The following STK4 variants were observed in gnomAD, a reference collection of about 807,000 sequenced individuals.
The protein encoded by STK4 is serine/threonine kinase 4.
STK4 carries 30 observed loss-of-function variants against 64.9 expected under a neutral mutation model. The observed-to-expected ratio is 0.46, with a 90% CI of 0.35 to 0.63. STK4 has a LOEUF of 0.63. STK4 is among the 20% of genes least tolerant of loss of function. The pLI is 0.01. For missense variants in STK4, 466 were observed against 598.5 expected (o/e 0.78, Z 2.31); for synonymous variants, 177 against 199.0 (o/e 0.89, Z 0.93).
chr20:44,971,729 G>A (rs988959358), intron 1 of STK4, among the ~76,000 whole-genome samples: 6 of 142,474 alleles, frequency 4.2e-5, no homozygotes, highest in African/African-American at 1.6e-4. Flanking sequence ...TGAGCGTAGT[G>A]GCGCAATTTC....
intron 10 of STK4, among the ~76,000 whole-genome samples, chr20:45,065,721 A>G (rs1452714974): frequency 6.6e-6 from 1 of 151,596 alleles, no homozygotes; most frequent in African/African-American, 2.4e-5. Flanking sequence ...CCTCTTTGTC[A>G]TTTCTGATTT....
intron 9 of STK4, among the ~76,000 whole-genome samples, chr20:45,006,698 A>G (rs2067952149): frequency 6.6e-6 from 1 of 152,140 alleles, no homozygotes; most frequent in Admixed American, 6.5e-5. Context: ...TCTCAGTTCC[A>G]CATTGGACTT....
At chr20:44,998,686 A>G (rs1355215422) in intron 7 of STK4, among the ~76,000 whole-genome samples, 2 of 152,242 alleles carry the variant, frequency 1.3e-5, no homozygotes, top group African/African-American at 4.8e-5. Flanking sequence ...TTCAACGTGC[A>G]GTTACTTCAG....
chr20:45,059,049 A>C (rs1235067201), intron 10 of STK4, among the ~76,000 whole-genome samples: 8 of 152,090 alleles, frequency 5.3e-5, no homozygotes, highest in Non-Finnish European at 1.0e-4. Flanking sequence ...AAGACCCCCC[A>C]CTGGACACCT....
At chr20:45,028,535 C>T (rs2068392336) in intron 10 of STK4, among the ~76,000 whole-genome samples, 1 of 152,050 alleles carries the variant, frequency 6.6e-6, no homozygotes, top group Non-Finnish European at 1.5e-5. Flanking sequence ...AAATGTTGCC[C>T]CAGCTCATCT....
At chr20:45,072,285 G>T (rs77034512) in intron 10 of STK4, among the ~76,000 whole-genome samples, 1 of 152,134 alleles carries the variant, frequency 6.6e-6, no homozygotes, top group Non-Finnish European at 1.5e-5. Flanking sequence ...GGAGGAGAAC[G>T]GGCTTGCCCA....
chr20:44,981,224 G>A (rs6130718), intron 3 of STK4, among the ~76,000 whole-genome samples: 13 of 151,774 alleles, frequency 8.6e-5, no homozygotes, highest in African/African-American at 2.9e-4. Context: ...GCGCGATTTC[G>A]GCTCGCTGCA....
At chr20:45,066,060 T>G (rs1979539668) in intron 10 of STK4, among the ~76,000 whole-genome samples, 1 of 152,148 alleles carries the variant, frequency 6.6e-6, no homozygotes, top group Non-Finnish European at 1.5e-5. Flanking sequence ...TCCTTGTTTA[T>G]CTCTTACTGT....
chr20:44,987,532 G>A (rs1428302270), intron 5 of STK4, among the ~76,000 whole-genome samples: 1 of 152,140 alleles, frequency 6.6e-6, no homozygotes, highest in Non-Finnish European at 1.5e-5. Flanking sequence ...AGTAAAGCAA[G>A]AAATGATAGA....
chr20:44,984,186 GTTTTTTTTT>G (rs11397664), intron 4 of STK4, among the ~76,000 whole-genome samples: 1 of 76,054 alleles, frequency 1.3e-5, no homozygotes, highest in Non-Finnish European at 2.3e-5. Context: ...TGTTGTCGTT[GTTTTTTTTT>G]TTTTTTTTTT....
chr20:45,034,259 A>G (rs2068491980), intron 10 of STK4, among the ~76,000 whole-genome samples: 1 of 152,058 alleles, frequency 6.6e-6, no homozygotes, highest in South Asian at 2.1e-4. Flanking sequence ...CAAAAAGTTG[A>G]TTGGTAAAAA....
chr20:45,026,585 G>A (rs774962657), intron 10 of STK4, among the ~76,000 whole-genome samples: 2 of 152,128 alleles, frequency 1.3e-5, no homozygotes, highest in South Asian at 4.1e-4. Flanking sequence ...AATGGAGAGC[G>A]AGATAATGCA....
intron 5 of STK4, among the ~76,000 whole-genome samples, chr20:44,991,765 G>A (rs1359155489): frequency 2.0e-5 from 3 of 151,864 alleles, no homozygotes; most frequent in Non-Finnish European, 4.4e-5. Flanking sequence ...AGGCTTAGGT[G>A]ATACCCCCAC....
intron 9 of STK4, among the ~76,000 whole-genome samples, chr20:45,004,709 G>A (rs2067903731): frequency 6.9e-6 from 1 of 145,156 alleles, no homozygotes; most frequent in Non-Finnish European, 1.5e-5. Context: ...TTTTGCTTTT[G>A]TTGCAATTGC....
chr20:45,023,482 C>G (rs1328399693), intron 9 of STK4, among the ~76,000 whole-genome samples: 2 of 152,110 alleles, frequency 1.3e-5, no homozygotes, highest in African/African-American at 2.4e-5. Flanking sequence ...TCTTAAGGTG[C>G]TGAGCCTTCT....
At position 45,031,378 on chromosome 20, in the gene STK4, G is replaced by GGAT. The variant is rs2068440242; in HGVS notation, c.1305+6249_1305+6251dup. 2.0e-5 allele frequency among the ~76,000 whole-genome samples: 3 copies of GGAT among 152,146 alleles called. No homozygotes were observed. In the South Asian group the frequency reaches 6.2e-4, roughly 32 times the overall value. On this transcript the variant is annotated intron_variant, in intron 10 of 10. Coordinates refer to ENST00000372806, the MANE Select transcript of STK4 (RefSeq NM_006282.5). ...TGTGGCTGGAGCCGAGTGACACATG[G>GGAT]GATAGCAGTTTAAATGTAAATGCAT...
At chr20:45,013,613 G>C (rs1218649198) in intron 9 of STK4, among the ~76,000 whole-genome samples, 1 of 152,070 alleles carries the variant, frequency 6.6e-6, no homozygotes, top group African/African-American at 2.4e-5. Context: ...AGTGTGGTCT[G>C]TTATATCAAT....
chr20:44,968,199 G>A (rs1190739113), intron 1 of STK4, among the ~76,000 whole-genome samples: 1 of 151,752 alleles, frequency 6.6e-6, no homozygotes, highest in African/African-American at 2.4e-5. Flanking sequence ...GTGCAGTGGC[G>A]CAATCTCGGC....
intron 4 of STK4, 100 bp from the exon 5 acceptor site, chr20:44,987,032 A>T: frequency 1.0e-6 from 1 of 969,504 alleles, no homozygotes; most frequent in Non-Finnish European, 1.5e-6. Context: ...GTTGAATAAG[A>T]TCTGTTTATA....
Sources: gnomAD v4.1 joint callset for allele counts (sites outside exome capture counted in the v4.1 genomes callset) on GRCh38, gnomAD v4.1.1 for gene constraint, MANE v1.5 for transcripts, NCBI Gene and HGNC (gene_info 2026-07-23, HGNC 2026-07-21) for gene names.